Variants in ABCB10 observed in about 807,000 individuals in gnomAD.
ABCB10 encodes the protein ATP-binding cassette sub-family B member 10, mitochondrial.
ABCB10 carries 54 observed loss-of-function variants against 65.4 expected under a neutral mutation model. The observed-to-expected ratio is 0.83, with a 90% confidence interval of 0.66 to 1.04. ABCB10 has a LOEUF of 1.04. Among genes scored for constraint, ABCB10 ranks in the 50% least tolerant of loss-of-function variants. ABCB10 has a pLI of 0.00. For synonymous variants in ABCB10, 418 were observed against 406.5 expected, an observed-to-expected ratio of 1.03 and a Z score of -0.34; for missense variants, 846 against 976.6, an observed-to-expected ratio of 0.87 and a Z score of 1.78.
At position 229,547,826 on chromosome 1, in the gene ABCB10, G is replaced by C. The variant is rs1571976289; in HGVS notation, c.719-125C>G. ...CCCTCCTGAGCAATGCAGCCTCTGA[G>C]CGTGTCTGCTGCACTGTATCCCATG... On this transcript the variant is annotated intron_variant, in intron 2 of 12. Transcript: ENST00000344517. 1.3e-5 allele frequency: 11 copies of C among 840,840 alleles called. No individual in the cohort carries two copies. The East Asian group carries it at 2.8e-4, about 22-fold the overall frequency. 52.1% of individuals were successfully genotyped at this position (840,840 alleles called of 1,614,324 possible).
chr1:229,535,128 A>G (rs1254304593), intron 6 of ABCB10: 3 of 149,940 alleles, frequency 2.0e-5, no homozygotes, highest in African/African-American at 7.4e-5. Context: ...AAAGTTTTCA[A>G]TTGGCAATAA....
intron 9 of ABCB10, 60 bp from the exon 10 acceptor site, chr1:229,526,176 A>C (rs1386518113): frequency 6.7e-6 from 10 of 1,483,420 alleles, no homozygotes; most frequent in Non-Finnish European, 9.2e-6. Flanking sequence ...ATGTCTAATA[A>C]ATTTAGACCT....
chr1:229,546,320 T>C (rs1159021975), intron 3 of ABCB10, among the ~76,000 whole-genome samples: 1 of 152,090 alleles, frequency 6.6e-6, no homozygotes, highest in African/African-American at 2.4e-5. Context: ...ATATACCAAA[T>C]ACATGGTAAT....
intron 5 of ABCB10, among the ~76,000 whole-genome samples, chr1:229,540,052 G>A (rs1037719678): frequency 2.6e-5 from 4 of 152,148 alleles, no homozygotes; most frequent in Admixed American, 6.5e-5. Context: ...CCGGGCCACT[G>A]CTCCTTATCT....
At chr1:229,532,895 AAAC>A (rs775541617) in intron 6 of ABCB10, among the ~76,000 whole-genome samples, 13 of 152,346 alleles carry the variant, frequency 8.5e-5, no homozygotes, top group South Asian at 8.3e-4. Flanking sequence ...TCAAAACAAA[AAAC>A]AACAACAACA....
chr1:229,542,080 G>A (rs1309813619), intron 4 of ABCB10, among the ~76,000 whole-genome samples, 157 bp downstream of exon 4: 3 of 152,152 alleles, frequency 2.0e-5, no homozygotes, highest in African/African-American at 7.2e-5. Context: ...AGAAAACAGA[G>A]TAGTTTAAGT....
chr1:229,531,788 A>G, intron 6 of ABCB10, 57 bp from the exon 7 acceptor site: 3 of 1,384,502 alleles, frequency 2.2e-6, no homozygotes, highest in Non-Finnish European at 3.1e-6. Context: ...GGCACTGGCC[A>G]CCACTCCTCT....
chr1:229,558,618 A>G lies in ABCB10; in HGVS notation c.35T>C (p.Leu12Pro), dbSNP rs1353969809. 2 of 1,414,728 alleles carry G rather than the reference A, an allele frequency of 1.4e-6. No homozygotes were observed. The highest frequency in any genetic ancestry group is 3.0e-5 in the African/African-American group (2 of 66,590). 87.6% of individuals were successfully genotyped at this position (1,414,728 alleles called of 1,614,324 possible). Residue 12 changes from leucine (L) to proline (P), a missense_variant, in exon 1 of 13, where the codon CTC (leucine) becomes CCC (proline). Physicochemically the swap from Leu to Pro is moderately conservative, Grantham distance 98. This residue lies in a region of ABCB10 where 214 missense variants were observed against 173.5 expected (regional missense o/e 1.23). Transcript: ENST00000344517. ...RGPPAWPLRL[L>P]EPPSPAEPGR... is the part of the protein sequence containing the mutation. The stretch of plus-strand genomic sequence containing the variant: ...TGGCTCGGCAGGGCTCGGTGGCTCG[A>G]GCAGCCGCAGCGGCCAGGCAGGGGG...
intron 6 of ABCB10, among the ~76,000 whole-genome samples, chr1:229,536,489 G>A (rs559218906): frequency 1.3e-5 from 2 of 151,962 alleles, no homozygotes; most frequent in South Asian, 4.2e-4. Flanking sequence ...CCTGGAGACA[G>A]AGTAAGACCC....
chr1:229,541,031 G>A (rs1288977874), intron 4 of ABCB10, among the ~76,000 whole-genome samples: 1 of 152,068 alleles, frequency 6.6e-6, no homozygotes, highest in African/African-American at 2.4e-5. Flanking sequence ...AAAACATAGA[G>A]GCAGAAAAAC....
At chr1:229,520,887 T>G (rs534295761) in intron 11 of ABCB10, among the ~76,000 whole-genome samples, 21 of 152,324 alleles carry the variant, frequency 1.4e-4, no homozygotes, top group African/African-American at 4.8e-4. Context: ...CGTGGCATCC[T>G]GGGGCCGGAA....
At chr1:229,527,186 T>C (rs762404269) in intron 9 of ABCB10, 43 bp downstream of exon 9, 1 of 1,527,988 alleles carries the variant, frequency 6.5e-7, no homozygotes, top group Non-Finnish European at 8.9e-7. Context: ...ACAAAAGTAA[T>C]TTTAAAAGAA....
chr1:229,536,214 A>G (rs1315496693), intron 6 of ABCB10, among the ~76,000 whole-genome samples: 1 of 152,134 alleles, frequency 6.6e-6, no homozygotes. Flanking sequence ...AGAAAAAAAA[A>G]GTAAGGCTGG....
Position 229,526,084 on chromosome 1 carries a change from C to G in ABCB10, c.1758G>C (p.Glu586Asp), listed in dbSNP as rs746768406. 1.2e-6 allele frequency: 2 copies of G among 1,612,788 alleles called. No homozygotes were observed. The highest frequency in any genetic ancestry group is 1.1e-5 in the South Asian group (1 of 90,632). The change falls in exon 10 of 13, where the codon GAG (glutamate) becomes GAC (aspartate). Residue 586 changes from glutamate (E) to aspartate (D), a missense_variant. Glu to Asp is a conservative substitution (Grantham distance 45, BLOSUM62 2). This residue lies in a region of ABCB10 where 632 missense variants were observed against 803.2 expected (regional missense o/e 0.79). Transcript: ENST00000344517. ...GGTCATCAGCACCATAAGCAATGTT[C>G]TCAGCAATAGAGCAAGAAAACAAAA... ...EPILFSCSIA[E>D]NIAYGADDPS...
At chr1:229,539,088 G>GACT (rs1309098880) in intron 6 of ABCB10, among the ~76,000 whole-genome samples, 7 of 152,160 alleles carry the variant, frequency 4.6e-5, no homozygotes, top group African/African-American at 1.7e-4. Flanking sequence ...ACGAAACCAT[G>GACT]ACTAACACAG....
chr1:229,540,892 C>A, intron 4 of ABCB10, 140 bp from the exon 5 acceptor site: 3 of 1,014,966 alleles, frequency 3.0e-6, no homozygotes, highest in Non-Finnish European at 4.1e-6. Context: ...GAAGTGAGAA[C>A]TCCACAAAAG....
chr1:229,516,728 C>T lies in ABCB10; in HGVS notation c.*1451G>A, dbSNP rs186975010. 25 of 152,222 alleles carry T rather than the reference C, an allele frequency of 1.6e-4. No individual in the cohort carries two copies. Among genetic ancestry groups the T allele is most frequent in the African/African-American group, 5.8e-4 (24 of 41,548 alleles). 9.4% of individuals were successfully genotyped at this position (152,222 alleles called of 1,614,324 possible). ...CAAGGATTATTTTCCTCAGATTCAA[C>T]CTTGTAATTGTGTTGTTTGCTTTCT... On this transcript the variant is annotated 3_prime_UTR_variant, in exon 13 of 13. Coordinates refer to ENST00000344517, the MANE Select transcript of ABCB10 (RefSeq NM_012089.3).
intron 9 of ABCB10, among the ~76,000 whole-genome samples, chr1:229,526,653 TG>T (rs1466224742): frequency 3.9e-5 from 6 of 152,012 alleles, no homozygotes; most frequent in African/African-American, 1.2e-4. Flanking sequence ...GGTTCAGAAA[TG>T]GGGGGAGGCT....
intron 1 of ABCB10, among the ~76,000 whole-genome samples, chr1:229,555,604 A>G (rs1663229970): frequency 6.6e-6 from 1 of 152,140 alleles, no homozygotes; most frequent in Non-Finnish European, 1.5e-5. Flanking sequence ...GCTGAGACAG[A>G]TGGAGGTATT....
Sources: gnomAD v4.1 joint callset for allele counts (sites outside exome capture counted in the v4.1 genomes callset) on GRCh38, gnomAD v4.1.1 for gene constraint, gnomAD v4.1.1 regional missense constraint, MANE v1.5 for transcripts, NCBI Gene and HGNC (gene_info 2026-07-23, HGNC 2026-07-21) for gene names.